Variants in ADRB3 observed in about 807,000 individuals in gnomAD.
The protein encoded by ADRB3 is beta-3 adrenergic receptor.
Under a neutral mutation model 23.8 loss-of-function variants are expected in ADRB3, and 33 were observed. That is an observed-to-expected ratio of 1.38 (90% CI 1.05 to 1.85). ADRB3 has a LOEUF of 1.85. Ranked by LOEUF, ADRB3 falls within the 40% of genes most tolerant of loss-of-function variation. ADRB3 has a pLI of 0.00. For synonymous variants in ADRB3, 289 were observed against 273.0 expected (o/e 1.06, Z -0.58); for missense variants, 600 against 579.6 (o/e 1.04, Z -0.36).
At position 37,966,232 on chromosome 8, in the gene ADRB3, C is replaced by G. The variant is rs1808313683; in HGVS notation, c.238G>C (p.Ala80Pro). ...TMTNVFVTSLAAADLVMGLLV... is the reference protein window; with the variant it reads ...TMTNVFVTSLPAADLVMGLLV... ...AGTCCCATCACCAGGTCGGCTGCGG[C>G]CAGCGAAGTCACGAACACGTTGGTC... Residue 80 changes from alanine (A) to proline (P), a missense_variant, in exon 1 of 2, where the codon GCC becomes CCC. Ala to Pro is a conservative substitution (Grantham distance 27). Coordinates refer to ENST00000345060, the MANE Select transcript of ADRB3 (RefSeq NM_000025.3). The G allele has an allele frequency of 1.2e-6, 2 of 1,613,386 alleles. No homozygotes were observed. Among genetic ancestry groups the G allele is most frequent in the South Asian group, 2.2e-5 (2 of 91,070 alleles).
intron 1 of ADRB3, chr8:37,965,049 G>T (rs1563397147): frequency 3.9e-6 from 2 of 509,382 alleles, no homozygotes; most frequent in Non-Finnish European, 6.6e-6. Context: ...AGGAACGACG[G>T]CCCGCTCGCC....
In ADRB3 at chr8:37,965,396, A is replaced by G; in HGVS notation, c.1074T>C (p.Arg358=). The G allele has an allele frequency of 6.5e-7, 1 of 1,548,068 alleles. No homozygotes were observed. The highest frequency in any genetic ancestry group is 2.5e-5 in the East Asian group (1 of 40,720). Residue 358 remains arginine, a synonymous_variant, in exon 1 of 2, where the codon CGT becomes CGC. Coordinates refer to ENST00000345060, the MANE Select transcript of ADRB3 (RefSeq NM_000025.3). ...RSPDFRSAFR[R]LLCRCGRRLP... is the part of the protein sequence containing the mutation. Reference sequence around the variant, plus strand: ...GGCGACGGCCGCAGCGGCACAGAAGACGGCGGAAGGCGCTGCGAAAGTCCG... The same window carrying G: ...GGCGACGGCCGCAGCGGCACAGAAGGCGGCGGAAGGCGCTGCGAAAGTCCG...
At position 37,965,515 on chromosome 8, in the gene ADRB3, C is replaced by G; in HGVS notation, c.955G>C (p.Gly319Arg). ...GCCGGGCCCGGGACTAGAGAGGGGC[C>G]CCCCAGGGCGCGCAGCACGTTGGCC... ...FLANVLRALG[G>R]PSLVPGPAFL... Residue 319 changes from glycine to arginine, a missense_variant, in exon 1 of 2, where the codon GGC (glycine) becomes CGC (arginine). Physicochemically the swap from Gly to Arg is moderately radical, Grantham distance 125 (BLOSUM62 -2). Coordinates refer to ENST00000345060, the MANE Select transcript of ADRB3 (RefSeq NM_000025.3). The G allele has an allele frequency of 6.4e-7, 1 of 1,551,708 alleles. No homozygotes were observed. The highest frequency in any genetic ancestry group is 1.2e-5 in the South Asian group (1 of 84,106).
chr8:37,966,370 G>A lies in ADRB3; in HGVS notation c.100C>T (p.Pro34Ser). The change falls in exon 1 of 2, where the codon CCG becomes TCG. Residue 34 changes from proline (P) to serine (S), a missense_variant. Transcript: ENST00000345060. ...TANTSGLPGV[P>S]WEAALAGALL... ...GCCCCGGCTAGGGCCGCCTCCCACG[G>A]AACCCCTGGCAGCCCACTGGTGTTG... 1.2e-6 allele frequency: 2 copies of A among 1,611,156 alleles called. No homozygotes were observed. The highest frequency in any genetic ancestry group is 1.7e-6 in the Non-Finnish European group (2 of 1,179,006).
chr8:37,965,667 G>A lies in ADRB3; in HGVS notation c.803C>T (p.Pro268Leu), dbSNP rs13306151. 4.2e-4 allele frequency: 642 copies of A among 1,536,084 alleles called. 7 individuals carry two copies. In the East Asian group the frequency reaches 0.015, roughly 36 times the overall value. Residue 268 changes from proline to leucine, a missense_variant, in exon 1 of 2, where the codon CCG becomes CTG. Pro to Leu is a moderately conservative substitution (Grantham distance 98). Transcript: ENST00000345060. ...GCCGCAGGCGGGCACCCCTTCGGGC[G>A]GAGCGCACGTCCCCACCGGGGCCGG... ...LAPAPVGTCA[P>L]PEGVPACGRR...
Position 37,964,162 on chromosome 8 carries a change from C to T in ADRB3, c.*56G>A. 1 of 1,528,904 alleles carries T rather than the reference C, an allele frequency of 6.5e-7. No individual in the cohort carries two copies. Among genetic ancestry groups the T allele is most frequent in the Non-Finnish European group, 9.1e-7 (1 of 1,103,376 alleles). 94.7% of individuals were successfully genotyped at this position (1,528,904 alleles called of 1,614,324 possible). On this transcript the variant is annotated 3_prime_UTR_variant, in exon 2 of 2. Transcript: ENST00000345060. ...CCATGGGACTCATTCTGAACAGAGG[C>T]CAGAGGTTTTCCACAGGTTCTGATC...
intron 1 of ADRB3, chr8:37,964,970 G>C (rs922068117): frequency 8.3e-6 from 3 of 360,804 alleles, no homozygotes; most frequent in Non-Finnish European, 1.5e-5. Context: ...CCCTAAAGCC[G>C]ACCAGGCGAG....
rs1295370858 is a variant in ADRB3, at chr8:37,965,517, C to T, written c.953G>A (p.Gly318Glu). ...FFLANVLRAL[G>E]GPSLVPGPAF... ...CGGGCCCGGGACTAGAGAGGGGCCCCCCAGGGCGCGCAGCACGTTGGCCAG... is the reference window on the plus strand; with the variant it reads ...CGGGCCCGGGACTAGAGAGGGGCCCTCCAGGGCGCGCAGCACGTTGGCCAG... Residue 318 changes from glycine to glutamate, a missense_variant, in exon 1 of 2, where the codon GGG becomes GAG. Coordinates refer to ENST00000345060, the MANE Select transcript of ADRB3 (RefSeq NM_000025.3). 1.3e-6 allele frequency: 2 copies of T among 1,551,748 alleles called. No homozygotes were observed. Among genetic ancestry groups the T allele is most frequent in the Admixed American group, 2.0e-5 (1 of 51,070 alleles).
intron 1 of ADRB3, among the ~76,000 whole-genome samples, chr8:37,964,537 G>T (rs567346336): frequency 1.2e-3 from 186 of 151,656 alleles, no homozygotes; most frequent in African/African-American, 3.9e-3. Context: ...CGAGGGCTTG[G>T]GGGGCGGGTG....
At chr8:37,964,779 A>T (rs1005274583) in intron 1 of ADRB3, among the ~76,000 whole-genome samples, 19 of 152,310 alleles carry the variant, frequency 1.2e-4, no homozygotes, top group African/African-American at 4.3e-4. Context: ...AAGAAATTTT[A>T]AAAATAGCTG....
rs1563397464 is a variant in ADRB3 at position 37,965,513 on chromosome 8, G to C, written c.957C>G (p.Gly319=). The part of the protein sequence containing the change: ...FLANVLRALG[G]PSLVPGPAFL... ...AAGCCGGGCCCGGGACTAGAGAGGG[G>C]CCCCCCAGGGCGCGCAGCACGTTGG... The change falls in exon 1 of 2, where the codon GGC becomes GGG. Residue 319 remains glycine (G), a synonymous_variant. Coordinates refer to ENST00000345060, the MANE Select transcript of ADRB3 (RefSeq NM_000025.3). 6.4e-7 allele frequency: 1 copy of C among 1,551,660 alleles called. No homozygotes were observed. The highest frequency in any genetic ancestry group is 8.7e-7 in the Non-Finnish European group (1 of 1,147,288).
chr8:37,966,573 G>A lies in ADRB3; in HGVS notation c.-104C>T. On this transcript the variant is annotated 5_prime_UTR_variant, in exon 1 of 2. Coordinates refer to ENST00000345060, the MANE Select transcript of ADRB3 (RefSeq NM_000025.3). The stretch of plus-strand genomic sequence containing the variant: ...GCAAGGCATGAGAGCGACTTCCCCA[G>A]CCTGGGCCATCTTCTCTAGCTGTCC... 2 of 1,458,532 alleles carry A rather than the reference G, an allele frequency of 1.4e-6. No individual in the cohort carries two copies. The highest frequency in any genetic ancestry group is 1.4e-5 in the African/African-American group (1 of 70,162). The allele number at this position is 1,458,532 out of a possible 1,614,324, so 90.3% of individuals were successfully genotyped here.
rs1440370339 is a variant in ADRB3, at chr8:37,964,140, T to C, written c.*78A>G. 8.5e-6 allele frequency: 11 copies of C among 1,293,620 alleles called. No homozygotes were observed. The highest frequency in any genetic ancestry group is 4.8e-5 in the South Asian group (4 of 83,134). The allele number at this position is 1,293,620 out of a possible 1,614,324, so 80.1% of individuals were successfully genotyped here. A position where few individuals can be genotyped will look rare whatever the true frequency, so the allele number is the denominator to read the frequency against. On this transcript the variant is annotated 3_prime_UTR_variant, in exon 2 of 2. Coordinates refer to ENST00000345060, the MANE Select transcript of ADRB3 (RefSeq NM_000025.3). ...AGAGTGTCACAGCCGGGGAATCCCA[T>C]GGGACTCATTCTGAACAGAGGCCAG... is the stretch of plus-strand genomic sequence containing the variant.
chr8:37,964,958 A>T, intron 1 of ADRB3: 1 of 315,348 alleles, frequency 3.2e-6, no homozygotes, highest in East Asian at 5.5e-5. Context: ...AAAAAAAAAA[A>T]TCCCTAAAGC....
chr8:37,963,937 C>T lies in ADRB3; in HGVS notation c.*281G>A. 4.9e-6 allele frequency: 2 copies of T among 406,292 alleles called. No homozygotes were observed. Among genetic ancestry groups the T allele is most frequent in the Non-Finnish European group, 9.0e-6 (2 of 222,792 alleles). The allele number at this position is 406,292 out of a possible 1,614,324, so 25.2% of individuals were successfully genotyped here. On this transcript the variant is annotated 3_prime_UTR_variant, in exon 2 of 2. Coordinates refer to ENST00000345060, the MANE Select transcript of ADRB3 (RefSeq NM_000025.3). ...ACAGGCAAGCCGGGTGATGGGTGCC[C>T]CTACCAAAGCCAGCCTGCTGCTCCA... is the stretch of plus-strand genomic sequence containing the variant.
Position 37,966,451 on chromosome 8 carries a change from C to G in ADRB3, c.19G>C (p.Glu7Gln). The G allele has an allele frequency of 6.3e-7, 1 of 1,599,328 alleles. No individual in the cohort carries two copies. The highest frequency in any genetic ancestry group is 8.5e-7 in the Non-Finnish European group (1 of 1,175,614). The change falls in exon 1 of 2, where the codon GAG becomes CAG. Residue 7 changes from glutamate to glutamine, a missense_variant. Coordinates refer to ENST00000345060, the MANE Select transcript of ADRB3 (RefSeq NM_000025.3). ...GGCCATGGGGCAAGAGAGCTGTTCT[C>G]GTGAGGCCACGGAGCCATCCCCGGG... MAPWPH[E>Q]NSSLAPWPDL...
rs1808306857 is a variant in ADRB3 at position 37,966,032 on chromosome 8, GC to G, written c.437del (p.Gly146AlafsTer29). 1 of 1,582,892 alleles carries G rather than the reference GC, an allele frequency of 6.3e-7. No individual in the cohort carries two copies. The highest frequency in any genetic ancestry group is 1.3e-5 in the African/African-American group (1 of 74,328). On this transcript the variant is annotated frameshift_variant, in exon 1 of 2. Transcript: ENST00000345060. LOFTEE classifies it high-confidence loss of function. ...YLAVTNPLRYGALVTKRCART... is the reference protein window; with the variant it reads ...YLAVTNPLRYXALVTKRCART... ...GGGCGCAGCGCTTGGTGACCAGTGC[GC>G]CGTAACGCAGCGGGTTGGTCACAGC...
Position 37,965,460 on chromosome 8 carries a change from G to T in ADRB3, c.1010C>A (p.Ala337Asp), listed in dbSNP as rs1808280682. Residue 337 changes from alanine (A) to aspartate (D), a missense_variant, in exon 1 of 2, where the codon GCC becomes GAC. Physicochemically the swap from Ala to Asp is moderately radical, Grantham distance 126 (BLOSUM62 -2). Transcript: ENST00000345060. ...GATGAGCGGGTTGAAGGCAGAATTGGCATAACCTAGCCAGTTCAGGGCAAG... is the reference window on the plus strand; with the variant it reads ...GATGAGCGGGTTGAAGGCAGAATTGTCATAACCTAGCCAGTTCAGGGCAAG... ...AFLALNWLGY[A>D]NSAFNPLIYC... 1.9e-6 allele frequency: 3 copies of T among 1,551,628 alleles called. No individual in the cohort carries two copies. The highest frequency in any genetic ancestry group is 2.6e-6 in the Non-Finnish European group (3 of 1,147,282).
At chr8:37,964,976 G>T in intron 1 of ADRB3, 1 of 388,134 alleles carries the variant, frequency 2.6e-6, no homozygotes, top group East Asian at 4.2e-5. Context: ...AGCCGACCAG[G>T]CGAGGCGAGA....
Sources: gnomAD v4.1 joint callset for allele counts (sites outside exome capture counted in the v4.1 genomes callset) on GRCh38, gnomAD v4.1.1 for gene constraint, MANE v1.5 for transcripts, NCBI Gene and HGNC (gene_info 2026-07-23, HGNC 2026-07-21) for gene names.